The following RASSF3 variants were observed in gnomAD, a reference collection of about 807,000 sequenced individuals.
RASSF3 encodes the protein Ras association domain family member 3.
RASSF3 carries 19 observed loss-of-function variants against 19.9 expected under a neutral mutation model. That is an observed-to-expected ratio of 0.96 (90% CI 0.67 to 1.40). RASSF3 has a LOEUF of 1.40. Ranked by LOEUF, RASSF3 falls within the 40% of genes most tolerant of loss-of-function variation. The pLI is 0.00. For synonymous variants in RASSF3, 110 were observed against 104.2 expected, an observed-to-expected ratio of 1.06 and a Z score of -0.34; for missense variants, 306 against 289.8, an observed-to-expected ratio of 1.06 and a Z score of -0.41.
At chr12:64,572,834 C>T (rs908853932) in intron 2 of RASSF3, among the ~76,000 whole-genome samples, 23 of 152,210 alleles carry the variant, frequency 1.5e-4, no homozygotes, top group African/African-American at 5.3e-4. Flanking sequence ...GTGTCAATTC[C>T]AAACCATTAA....
intron 2 of RASSF3, among the ~76,000 whole-genome samples, chr12:64,603,904 G>T (rs1870138063): frequency 6.6e-6 from 1 of 152,028 alleles, no homozygotes; most frequent in Non-Finnish European, 1.5e-5. Flanking sequence ...CTGGAGTGCA[G>T]TGGCACGATC....
chr12:64,667,516 T>G (rs1872567945), intron 1 of RASSF3, among the ~76,000 whole-genome samples: 1 of 152,180 alleles, frequency 6.6e-6, no homozygotes, highest in South Asian at 2.1e-4. Context: ...TACAAGTCCC[T>G]TGCGGGAAAG....
At chr12:64,537,956 G>T (rs73315585) in intron 1 of RASSF3, among the ~76,000 whole-genome samples, 1 of 151,142 alleles carries the variant, frequency 6.6e-6, no homozygotes, top group Admixed American at 6.6e-5. Flanking sequence ...CCTCCTCTTC[G>T]TCTTGGCCTG....
chr12:64,565,066 C>T (rs1411805744), intron 2 of RASSF3, among the ~76,000 whole-genome samples: 1 of 151,546 alleles, frequency 6.6e-6, no homozygotes, highest in Non-Finnish European at 1.5e-5. Flanking sequence ...CAGGTGTGAG[C>T]CACCACACCT....
intron 1 of RASSF3, among the ~76,000 whole-genome samples, chr12:64,661,071 G>T (rs1267617622): frequency 6.6e-6 from 1 of 152,198 alleles, no homozygotes; most frequent in Non-Finnish European, 1.5e-5. Context: ...GAAGGAAAGA[G>T]CCCTAGTGCT....
intron 1 of RASSF3, among the ~76,000 whole-genome samples, chr12:64,636,180 G>A (rs1179710477): frequency 6.6e-6 from 1 of 151,292 alleles, no homozygotes; most frequent in African/African-American, 2.4e-5. Flanking sequence ...GCAGTGGTGC[G>A]ATCTCTGCTT....
At chr12:64,670,933 G>T (rs961160629) in intron 1 of RASSF3, among the ~76,000 whole-genome samples, 22 of 152,216 alleles carry the variant, frequency 1.4e-4, no homozygotes, top group African/African-American at 5.1e-4. Context: ...GTGTCCTCCG[G>T]CAAAATAAAT....
At chr12:64,596,628 C>G (rs1226012439) in intron 2 of RASSF3, among the ~76,000 whole-genome samples, 3 of 152,154 alleles carry the variant, frequency 2.0e-5, no homozygotes, top group African/African-American at 7.2e-5. Context: ...CAACACAGCC[C>G]TCCACCCTCA....
chr12:64,647,662 C>T (rs35772370), intron 1 of RASSF3, among the ~76,000 whole-genome samples: 16,276 of 152,050 alleles, frequency 0.11, 1,158 homozygotes, highest in South Asian at 0.2. Context: ...TTGCCCACCT[C>T]GGCCTCCCAA....
At chr12:64,539,482 T>A (rs1177725129) in intron 1 of RASSF3, among the ~76,000 whole-genome samples, 1 of 152,170 alleles carries the variant, frequency 6.6e-6, no homozygotes, top group Non-Finnish European at 1.5e-5. Flanking sequence ...ATTGTTCTCA[T>A]GAACAATTTC....
At chr12:64,623,124 G>A (rs889206987) in intron 1 of RASSF3, among the ~76,000 whole-genome samples, 9 of 151,952 alleles carry the variant, frequency 5.9e-5, no homozygotes, top group African/African-American at 1.2e-4. Context: ...CCCGGCCACC[G>A]TGAAAATTTT....
intron 2 of RASSF3, among the ~76,000 whole-genome samples, chr12:64,587,249 G>A (rs1047610341): frequency 2.0e-5 from 3 of 151,760 alleles, no homozygotes; most frequent in African/African-American, 7.3e-5. Flanking sequence ...TAGAGACAGA[G>A]TTTCTCCATG....
intron 1 of RASSF3, among the ~76,000 whole-genome samples, chr12:64,649,660 T>C (rs1871869433): frequency 6.6e-6 from 1 of 152,224 alleles, no homozygotes; most frequent in South Asian, 2.1e-4. Context: ...ATAGCCAAGT[T>C]ATCAGTGTCA....
At chr12:64,600,439 T>A (rs562687140) in intron 2 of RASSF3, among the ~76,000 whole-genome samples, 4 of 152,344 alleles carry the variant, frequency 2.6e-5, no homozygotes, top group African/African-American at 4.8e-5. Flanking sequence ...GCAAACAGTA[T>A]GTGTGTTTAC....
chr12:64,558,789 T>G (rs921199761), intron 2 of RASSF3, among the ~76,000 whole-genome samples: 1 of 152,108 alleles, frequency 6.6e-6, no homozygotes, highest in Admixed American at 6.5e-5. Flanking sequence ...CTTCAGTCAA[T>G]GGGTTGCAGA....
chr12:64,647,601 C>T (rs572945898), intron 1 of RASSF3, among the ~76,000 whole-genome samples: 10 of 151,802 alleles, frequency 6.6e-5, no homozygotes, highest in African/African-American at 1.9e-4. Flanking sequence ...TTAGTAGAGA[C>T]GGGGTTTCAC....
chr12:64,610,929 T>C (rs1870333519), intron 1 of RASSF3, among the ~76,000 whole-genome samples, 186 bp downstream of exon 1: 1 of 151,842 alleles, frequency 6.6e-6, no homozygotes. Context: ...CTTGTGCGTG[T>C]AGGCGAGGGA....
At chr12:64,633,752 TAGA>T (rs1471584965) in intron 1 of RASSF3, among the ~76,000 whole-genome samples, 1 of 152,070 alleles carries the variant, frequency 6.6e-6, no homozygotes, top group East Asian at 1.9e-4. Context: ...AGGCAGAGAT[TAGA>T]AGAGTTTGGA....
At chr12:64,688,162 C>T in intron 2 of RASSF3, 54 bp from the exon 3 acceptor site, 1 of 1,236,190 alleles carries the variant, frequency 8.1e-7, no homozygotes, top group Non-Finnish European at 1.2e-6. Flanking sequence ...TATGCTTCTT[C>T]CCTAAAGTGC....
Sources: allele counts gnomAD v4.1 joint callset (sites outside exome capture counted in the v4.1 genomes callset), GRCh38; gene constraint gnomAD v4.1.1; transcripts MANE v1.5; gene names NCBI Gene and HGNC (gene_info 2026-07-23, HGNC 2026-07-21).